SLC4A4: variants seen among roughly 807,000 people sequenced by gnomAD.
SLC4A4 encodes the protein electrogenic sodium bicarbonate cotransporter 1.
SLC4A4 carries 27 observed loss-of-function variants against 111.5 expected under a neutral mutation model. That is an observed-to-expected ratio of 0.24 (90% confidence interval 0.18 to 0.33). The LOEUF (loss-of-function observed/expected upper bound fraction) is 0.33. Among genes scored for constraint, SLC4A4 ranks in the 10% least tolerant of loss-of-function variants. The pLI, the probability that SLC4A4 is intolerant of heterozygous loss-of-function variation, is 1.00. For missense variants in SLC4A4, 909 were observed against 1,315.5 expected (o/e 0.69, Z 4.78); for synonymous variants, 443 against 463.4 (o/e 0.96, Z 0.57).
At chr4:71,494,919 T>C (rs965858754) in intron 15 of SLC4A4, among the ~76,000 whole-genome samples, 1 of 152,032 alleles carries the variant, frequency 6.6e-6, no homozygotes, top group African/African-American at 2.4e-5. Flanking sequence ...ATACAGATAA[T>C]ATAGATGTGT....
In SLC4A4 at chr4:71,102,654, C is replaced by A. The variant is rs1302479781; in HGVS notation, c.-2+9862C>A. 2.7e-5 allele frequency among the ~76,000 whole-genome samples: 4 copies of A among 150,490 alleles called. No homozygotes were observed. In the South Asian group the frequency reaches 6.3e-4, roughly 24 times the overall value. ...GAAAAGAATTTTCAACCCAGAATTTCATATCCAGCCAAACTAAGCTTCATA... is the reference window on the plus strand; with the variant it reads ...GAAAAGAATTTTCAACCCAGAATTTAATATCCAGCCAAACTAAGCTTCATA... On this transcript the variant is annotated intron_variant, in intron 2 of 26. Transcript: ENST00000649996.
At chr4:71,404,453 T>C (rs143057273) in intron 7 of SLC4A4, among the ~76,000 whole-genome samples, 2 of 152,350 alleles carry the variant, frequency 1.3e-5, no homozygotes, top group East Asian at 3.9e-4. Flanking sequence ...CCAAAGAAAT[T>C]GTAGCTATTG....
chr4:71,397,782 T>C (rs2148979104), intron 7 of SLC4A4, 129 bp downstream of exon 7: 2 of 803,026 alleles, frequency 2.5e-6, no homozygotes, highest in Non-Finnish European at 2.2e-6. Flanking sequence ...GTTTGCACTT[T>C]CCTGGGCAGA....
intron 3 of SLC4A4, among the ~76,000 whole-genome samples, chr4:71,270,309 C>G (rs974490773): frequency 2.0e-5 from 3 of 152,076 alleles, no homozygotes; most frequent in Non-Finnish European, 4.4e-5. Flanking sequence ...AGGCTGGTCT[C>G]GAACTCCTGA....
At chr4:71,284,434 A>G (rs533579905) in intron 3 of SLC4A4, among the ~76,000 whole-genome samples, 2 of 152,240 alleles carry the variant, frequency 1.3e-5, no homozygotes, top group South Asian at 4.1e-4. Flanking sequence ...CATTACATTG[A>G]CTCAGAGTTA....
At chr4:71,188,445 C>G (rs1298167807) in intron 1 of SLC4A4, among the ~76,000 whole-genome samples, 2 of 152,162 alleles carry the variant, frequency 1.3e-5, no homozygotes, top group Non-Finnish European at 2.9e-5. Context: ...TTTCCTGGTT[C>G]GCTTCAGTGC....
chr4:71,225,163 C>A (rs1270802338), intron 1 of SLC4A4, among the ~76,000 whole-genome samples: 4 of 152,028 alleles, frequency 2.6e-5, no homozygotes, highest in Non-Finnish European at 5.9e-5. Context: ...ACCAGCCTGG[C>A]CAACATGGTG....
intron 16 of SLC4A4, among the ~76,000 whole-genome samples, chr4:71,531,518 A>C (rs1437427487): frequency 1.3e-5 from 2 of 152,004 alleles, no homozygotes; most frequent in African/African-American, 4.8e-5. Context: ...AGGGACAGAA[A>C]CTTCTAAGCC....
At chr4:71,506,660 G>A (rs1428144815) in intron 16 of SLC4A4, among the ~76,000 whole-genome samples, 4 of 151,962 alleles carry the variant, frequency 2.6e-5, no homozygotes, top group African/African-American at 9.7e-5. Flanking sequence ...TCCCAGTTTG[G>A]AAAACGCATT....
chr4:71,523,631 A>G (rs1173367985), intron 16 of SLC4A4, among the ~76,000 whole-genome samples: 1 of 152,134 alleles, frequency 6.6e-6, no homozygotes. Context: ...CTTTCAGCTT[A>G]TTTATCCATC....
At chr4:71,493,635 CTCTCTCTCTGTCTT>C (rs1730133601) in intron 15 of SLC4A4, among the ~76,000 whole-genome samples, 1 of 151,670 alleles carries the variant, frequency 6.6e-6, no homozygotes, top group Non-Finnish European at 1.5e-5. Context: ...CCTGGGACGT[CTCTCTCTCTGTCTT>C]TCTCTCTCTC....
intron 2 of SLC4A4, among the ~76,000 whole-genome samples, chr4:71,124,033 T>C (rs1743499409): frequency 6.6e-6 from 1 of 152,202 alleles, no homozygotes; most frequent in Admixed American, 6.5e-5. Flanking sequence ...TGCACTACTT[T>C]GATTTCTCTA....
chr4:71,246,995 T>C (rs1004806110), intron 2 of SLC4A4, among the ~76,000 whole-genome samples: 3 of 152,062 alleles, frequency 2.0e-5, no homozygotes, highest in Non-Finnish European at 1.5e-5. Context: ...TCCCTCTTTT[T>C]CCTGGGTGCA....
At position 71,488,928 on chromosome 4, in the gene SLC4A4, G is replaced by GTA. The variant is rs1307362984; in HGVS notation, c.1974+1910_1974+1911insTA. 8.0e-4 allele frequency among the ~76,000 whole-genome samples: 118 copies of GTA among 147,934 alleles called. 3 individuals are homozygous for GTA. In the East Asian group the frequency reaches 0.02, roughly 25 times the overall value. On this transcript the variant is annotated intron_variant, in intron 15 of 25. Coordinates refer to ENST00000264485, the MANE Select transcript of SLC4A4 (RefSeq NM_001098484.3). ...TGTGTGTGTGTGTGTGTGTGTGTGT[G>GTA]GTCATGAAGGCCAACTTTTATTTTA...
At position 71,350,481 on chromosome 4, in the gene SLC4A4, G is replaced by A. The variant is rs535215848; in HGVS notation, c.550+409G>A. Among the ~76,000 whole-genome samples, 250 of 152,044 alleles carry A rather than the reference G, an allele frequency of 1.6e-3. 2 individuals carry two copies. Among genetic ancestry groups the A allele is most frequent in the African/African-American group, 5.9e-3 (243 of 41,498 alleles). Reference sequence around the variant, plus strand: ...CAACCTCTGCCTCCTGGGTTCAAGCGATTCTCCTGCTTCAGCCTCCCGAGT... The same window carrying A: ...CAACCTCTGCCTCCTGGGTTCAAGCAATTCTCCTGCTTCAGCCTCCCGAGT... On this transcript the variant is annotated intron_variant, in intron 5 of 25. Transcript: ENST00000264485.
intron 2 of SLC4A4, among the ~76,000 whole-genome samples, chr4:71,130,903 T>A (rs1743683943): frequency 6.6e-6 from 1 of 152,166 alleles, no homozygotes; most frequent in African/African-American, 2.4e-5. Flanking sequence ...GAGGAGGTTG[T>A]GTGAAGGCAG....
At chr4:71,161,351 T>G (rs1277605753) in intron 2 of SLC4A4, among the ~76,000 whole-genome samples, 1 of 152,222 alleles carries the variant, frequency 6.6e-6, no homozygotes, top group Non-Finnish European at 1.5e-5. Context: ...CATCATCAGC[T>G]ATATCCTATT....
chr4:71,532,243 A>G, intron 17 of SLC4A4, 68 bp downstream of exon 17: 1 of 988,280 alleles, frequency 1.0e-6, no homozygotes, highest in South Asian at 1.3e-5. Flanking sequence ...ATTCTAATTT[A>G]TTGTGTTTCT....
intron 6 of SLC4A4, among the ~76,000 whole-genome samples, chr4:71,397,180 A>G (rs1410874752): frequency 1.3e-5 from 2 of 152,170 alleles, no homozygotes; most frequent in Non-Finnish European, 2.9e-5. Flanking sequence ...TCTGCTGAAG[A>G]TGAGGAAACA....
Sources: gnomAD v4.1 joint callset for allele counts (sites outside exome capture counted in the v4.1 genomes callset) on GRCh38, gnomAD v4.1.1 for gene constraint, MANE v1.5 for transcripts, NCBI Gene and HGNC (gene_info 2026-07-23, HGNC 2026-07-21) for gene names.